The following CSF2RB variants were observed in gnomAD, a reference collection of about 807,000 sequenced individuals.
CSF2RB encodes cytokine receptor common subunit beta.
Under a neutral mutation model 67.2 loss-of-function variants are expected in CSF2RB, and 22 were observed. The observed-to-expected ratio is 0.33, with a 90% CI of 0.23 to 0.47. The LOEUF (loss-of-function observed/expected upper bound fraction) is 0.47. Ranked by LOEUF, CSF2RB falls within the 20% of genes least tolerant of loss-of-function variation. The pLI, the probability that CSF2RB is intolerant of heterozygous loss-of-function variation, is 1.00. For synonymous variants in CSF2RB, 507 were observed against 482.9 expected (o/e 1.05, Z -0.65); for missense variants, 1,113 against 1,174.5 (o/e 0.95, Z 0.76).
rs1252253412 is a variant in CSF2RB, at chr22:36,915,603, T to C, written c.-173+1926T>C. On this transcript the variant is annotated intron_variant, in intron 1 of 13. Coordinates refer to ENST00000403662, the MANE Select transcript of CSF2RB (RefSeq NM_000395.3). ...CTCACGTTGATCGACACCTAGATTG[T>C]TTCTAATTTTTCCACATCTGTGAAA... 2.6e-5 allele frequency among the ~76,000 whole-genome samples: 4 copies of C among 152,260 alleles called. No homozygotes were observed. In the East Asian group the frequency reaches 7.7e-4, roughly 29 times the overall value.
intron 6 of CSF2RB, 35 bp downstream of exon 6, chr22:36,929,842 T>C: frequency 1.2e-6 from 2 of 1,604,312 alleles, no homozygotes; most frequent in Non-Finnish European, 1.7e-6. Flanking sequence ...TGCCCCGTGG[T>C]GGGAGGGCAG....
rs548283650 is a variant in CSF2RB at position 36,936,698 on chromosome 22, G to A, written c.1568+46G>A. 64 of 1,513,254 alleles carry A rather than the reference G, an allele frequency of 4.2e-5. No homozygotes were observed. In the South Asian group the frequency reaches 6.7e-4, roughly 16 times the overall value. The allele number at this position is 1,513,254 out of a possible 1,614,324, so 93.7% of individuals were successfully genotyped here. A position where few individuals can be genotyped will look rare whatever the true frequency, so the allele number is the denominator to read the frequency against. On this transcript the variant is annotated intron_variant, in intron 13 of 13. Transcript: ENST00000403662. ...CTCCTGACCTTTGGGGTTCATACGG[G>A]GGGCTGACTCCATTGTGGAAATCAG...
In CSF2RB at chr22:36,929,304, T is replaced by C. The variant is rs916092508; in HGVS notation, c.392-98T>C. ...GTCCCTCAGCTGCTGGGGGCAGGGGTGGCCTGGAACCCCCTGTGTCCACAC... is the reference window on the plus strand; with the variant it reads ...GTCCCTCAGCTGCTGGGGGCAGGGGCGGCCTGGAACCCCCTGTGTCCACAC... On this transcript the variant is annotated intron_variant, in intron 4 of 13. Coordinates refer to ENST00000403662, the MANE Select transcript of CSF2RB (RefSeq NM_000395.3). The C allele has an allele frequency of 2.0e-6, 3 of 1,526,930 alleles. No homozygotes were observed. In the African/African-American group the frequency reaches 4.1e-5, roughly 21 times the overall value. 94.6% of individuals were successfully genotyped at this position (1,526,930 alleles called of 1,614,324 possible).
At chr22:36,935,554 T>C in intron 11 of CSF2RB, 76 bp from the exon 12 acceptor site, 1 of 1,610,118 alleles carries the variant, frequency 6.2e-7, no homozygotes, top group Non-Finnish European at 8.5e-7. Context: ...GGGCCTCAGT[T>C]TCCCCTCTGG....
Position 36,930,403 on chromosome 22 carries a change from G to A in CSF2RB, c.747G>A (p.Glu249=), listed in dbSNP as rs1312603834. Residue 249 remains glutamate (E), a synonymous_variant, in exon 7 of 14, where the codon GAG becomes GAA. Coordinates refer to ENST00000403662, the MANE Select transcript of CSF2RB (RefSeq NM_000395.3). ...ATGAGGCCCAGCCCCAGAACCTGGA[G>A]TGCTTCTTTGACGGGGCCGCCGTGC... ...PGDEAQPQNL[E]CFFDGAAVLS... The A allele has an allele frequency of 1.9e-6, 3 of 1,613,540 alleles. No individual in the cohort carries two copies. The highest frequency in any genetic ancestry group is 2.7e-5 in the African/African-American group (2 of 74,938).
chr22:36,923,732 G>C, intron 3 of CSF2RB: 2 of 1,307,092 alleles, frequency 1.5e-6, no homozygotes, highest in Non-Finnish European at 2.0e-6. Flanking sequence ...AGCCCCAGCT[G>C]TGCCACTGCC....
In CSF2RB at chr22:36,937,671, A is replaced by G; in HGVS notation, c.1863A>G (p.Pro621=). The G allele has an allele frequency of 6.4e-7, 1 of 1,554,014 alleles. No individual in the cohort carries two copies. The highest frequency in any genetic ancestry group is 8.7e-7 in the Non-Finnish European group (1 of 1,148,392). ...PPQEGGSQKS[P]PPGSLEYLCL... is the part of the protein sequence containing the mutation. Reference sequence around the variant, plus strand: ...AGGAGGGTGGGAGCCAGAAGTCCCCACCTCCAGGGTCCCTGGAGTACCTGT... The same window carrying G: ...AGGAGGGTGGGAGCCAGAAGTCCCCGCCTCCAGGGTCCCTGGAGTACCTGT... The change falls in exon 14 of 14, where the codon CCA becomes CCG. Residue 621 remains proline, a synonymous_variant. Transcript: ENST00000403662. This position sits in a 1 kb window ranked among gnomAD's most constrained non-coding sequence, Gnocchi z 4.6.
At position 36,937,800 on chromosome 22, in the gene CSF2RB, G is replaced by T. The variant is rs1033369113; in HGVS notation, c.1992G>T (p.Gly664=). The change falls in exon 14 of 14, where the codon GGG becomes GGT. Residue 664 remains glycine, a synonymous_variant. Transcript: ENST00000403662. This position sits in a 1 kb window ranked among gnomAD's most constrained non-coding sequence, Gnocchi z 4.6. Reference sequence around the variant, plus strand: ...GAAGGCCGAGCCAGGGGGCTGCAGGGAGTCCCTCCCTGGAGTCCGGGGGAG... The same window carrying T: ...GAAGGCCGAGCCAGGGGGCTGCAGGTAGTCCCTCCCTGGAGTCCGGGGGAG... The part of the protein sequence containing the change: ...VERRPSQGAA[G]SPSLESGGGP... The T allele has an allele frequency of 2.8e-5, 44 of 1,595,310 alleles. No individual in the cohort carries two copies. The highest frequency in any genetic ancestry group is 3.6e-5 in the Non-Finnish European group (42 of 1,171,236).
Position 36,937,485 on chromosome 22 carries a change from A to G in CSF2RB, c.1677A>G (p.Ser559=), listed in dbSNP as rs533934345. 19 of 1,613,998 alleles carry G rather than the reference A, an allele frequency of 1.2e-5. 1 individual carries two copies. The South Asian group carries it at 2.1e-4, about 18-fold the overall frequency. Residue 559 remains serine (S), a synonymous_variant, in exon 14 of 14, where the codon TCA becomes TCG. Transcript: ENST00000403662. The surrounding 1 kb of genome is among the most constrained non-coding windows in gnomAD (Gnocchi z 4.6). The part of the protein sequence containing the change: ...PSGPDTTPAA[S]DLPTEQPPSP... ...GGCCTGACACGACTCCAGCTGCCTC[A>G]GATCTACCCACAGAGCAGCCCCCCA...
rs79811796 is a variant in CSF2RB at position 36,933,032 on chromosome 22, C to T, written c.1152+128C>T. 1.7e-4 allele frequency: 187 copies of T among 1,113,044 alleles called. 1 individual carries two copies. Among genetic ancestry groups the T allele is most frequent in the Admixed American group, 1.7e-4 (8 of 47,952 alleles). The allele number at this position is 1,113,044 out of a possible 1,614,324, so 68.9% of individuals were successfully genotyped here. Reference sequence around the variant, plus strand: ...GACCAGTGAGAGGTAGCCACTGGGACGTGGTGATCACTAGGCTGTGTGGTC... The same window carrying T: ...GACCAGTGAGAGGTAGCCACTGGGATGTGGTGATCACTAGGCTGTGTGGTC... On this transcript the variant is annotated intron_variant, in intron 9 of 13. Transcript: ENST00000403662.
chr22:36,919,247 C>T (rs1041633645), intron 1 of CSF2RB, among the ~76,000 whole-genome samples: 7 of 152,192 alleles, frequency 4.6e-5, no homozygotes, highest in African/African-American at 1.7e-4. Context: ...TAATTCTCTC[C>T]ACCCCCTGCT....
Position 36,921,929 on chromosome 22 carries a change from G to A in CSF2RB, c.-172-107G>A. 8 of 564,046 alleles carry A rather than the reference G, an allele frequency of 1.4e-5. No homozygotes were observed. The South Asian group carries it at 1.7e-4, about 12-fold the overall frequency. 34.9% of individuals were successfully genotyped at this position (564,046 alleles called of 1,614,324 possible). A position where few individuals can be genotyped will look rare whatever the true frequency, so the allele number is the denominator to read the frequency against. ...GCCTTCATGCCGCAGGAGACTGAGA[G>A]GTCATGCATGAGGGCCACTTCTCTG... On this transcript the variant is annotated intron_variant, in intron 1 of 13. Transcript: ENST00000403662.
chr22:36,918,366 T>C (rs896963465), intron 1 of CSF2RB, among the ~76,000 whole-genome samples: 13 of 152,242 alleles, frequency 8.5e-5, no homozygotes, highest in African/African-American at 2.9e-4. Context: ...GAGTCTCTTA[T>C]GTGAAATCTT....
intron 2 of CSF2RB, chr22:36,922,703 C>T (rs1018358360): frequency 2.5e-5 from 8 of 320,870 alleles, no homozygotes; most frequent in East Asian, 2.2e-4. Context: ...GCCTGAAGCC[C>T]GCACTGGGAT....
In CSF2RB at chr22:36,934,110, G is replaced by A. The variant is rs989653089; in HGVS notation, c.1315+116G>A. On this transcript the variant is annotated intron_variant, in intron 10 of 13. Transcript: ENST00000403662. ...GCCTGCAACAACTTGTAGGTGAGCCGTCTCCCCGATTAGATGGTGGCCAAA... is the reference window on the plus strand; with the variant it reads ...GCCTGCAACAACTTGTAGGTGAGCCATCTCCCCGATTAGATGGTGGCCAAA... 47 of 1,366,974 alleles carry A rather than the reference G, an allele frequency of 3.4e-5. 1 individual carries two copies. The highest frequency in any genetic ancestry group is 1.0e-4 in the African/African-American group (7 of 69,938). 84.7% of individuals were successfully genotyped at this position (1,366,974 alleles called of 1,614,324 possible).
intron 1 of CSF2RB, among the ~76,000 whole-genome samples, chr22:36,920,029 ACC>A (rs2145774637): frequency 6.6e-6 from 1 of 152,302 alleles, no homozygotes; most frequent in Non-Finnish European, 1.5e-5. Context: ...TTCCTTACCA[ACC>A]GTGTGACTGT....
chr22:36,919,702 C>A (rs559720447), intron 1 of CSF2RB, among the ~76,000 whole-genome samples: 66 of 152,164 alleles, frequency 4.3e-4, no homozygotes, highest in East Asian at 7.7e-4. Flanking sequence ...TGAGCCACCG[C>A]GCCCAGGCTT....
rs751920604 is a variant in CSF2RB, at chr22:36,935,676, C to G, written c.1453C>G (p.His485Asp). ...EEKIPNPSKS[H>D]LFQNGSAELW... ...GAAGATCCCCAACCCCAGCAAGAGC[C>G]ACCTGTTCCAGGTAGGAACTGGCTG... Residue 485 changes from histidine (H) to aspartate (D), a missense_variant, in exon 12 of 14, where the codon CAC becomes GAC. This residue lies in a region of CSF2RB where 559 missense variants were observed against 656.5 expected (regional missense o/e 0.85). Transcript: ENST00000403662. 1.2e-6 allele frequency: 2 copies of G among 1,614,144 alleles called. No individual in the cohort carries two copies. Among genetic ancestry groups the G allele is most frequent in the South Asian group, 1.1e-5 (1 of 91,066 alleles).
intron 4 of CSF2RB, 131 bp downstream of exon 4, chr22:36,926,308 G>T: frequency 1.1e-6 from 1 of 898,766 alleles, no homozygotes; most frequent in Non-Finnish European, 1.7e-6. Flanking sequence ...TGAGGGATGA[G>T]GGTATGGTCT....
Sources: allele counts gnomAD v4.1 joint callset (sites outside exome capture counted in the v4.1 genomes callset), GRCh38; gene constraint gnomAD v4.1.1; regional missense constraint gnomAD v4.1.1; non-coding constraint Gnocchi (gnomAD v3.1); transcripts MANE v1.5; gene names NCBI Gene and HGNC (gene_info 2026-07-23, HGNC 2026-07-21).